The following KCNQ5 variants were observed in gnomAD, a reference collection of about 807,000 sequenced individuals.
The protein encoded by KCNQ5 is potassium voltage-gated channel subfamily Q member 5, also known as potassium voltage-gated channel subfamily KQT member 5.
A neutral mutation model predicts 98.2 loss-of-function variants in KCNQ5; 30 were observed. That is an observed-to-expected ratio of 0.31 (90% CI 0.23 to 0.41). The LOEUF (loss-of-function observed/expected upper bound fraction) is 0.41. Ranked by LOEUF, KCNQ5 falls within the 10% of genes least tolerant of loss-of-function variation. The pLI, the probability that KCNQ5 is intolerant of heterozygous loss-of-function variation, is 1.00. For missense variants in KCNQ5, 835 were observed against 1,182.5 expected (o/e 0.71, Z 4.31); for synonymous variants, 458 against 449.4 (o/e 1.02, Z -0.24).
intron 1 of KCNQ5, among the ~76,000 whole-genome samples, chr6:72,844,102 C>T (rs1310652529): frequency 1.3e-5 from 2 of 152,104 alleles, no homozygotes; most frequent in African/African-American, 4.8e-5. Context: ...ACACGTATAC[C>T]TATGTAACAA....
In KCNQ5 at chr6:72,622,615, C is replaced by G. The variant is rs985078705; in HGVS notation, c.398+28C>G. 2.5e-6 allele frequency: 4 copies of G among 1,609,758 alleles called. No individual in the cohort carries two copies. The highest frequency in any genetic ancestry group is 2.2e-5 in the South Asian group (2 of 90,604). ...GAGTACCCGCGCCCCCTGCTATGCCCGCTGCAGGGGACCACTGTCCCTGGC... is the reference window on the plus strand; with the variant it reads ...GAGTACCCGCGCCCCCTGCTATGCCGGCTGCAGGGGACCACTGTCCCTGGC... On this transcript the variant is annotated intron_variant, in intron 1 of 13. Transcript: ENST00000370398. This position sits in a 1 kb window ranked among gnomAD's most constrained non-coding sequence, Gnocchi z 6.0.
At position 72,945,664 on chromosome 6, in the gene KCNQ5, A is replaced by T. The variant is rs114713059; in HGVS notation, c.399-58244A>T. 8.6e-3 allele frequency among the ~76,000 whole-genome samples: 1,304 copies of T among 152,124 alleles called. 17 individuals carry two copies. Among genetic ancestry groups the T allele is most frequent in the African/African-American group, 0.03 (1,245 of 41,496 alleles). On this transcript the variant is annotated intron_variant, in intron 1 of 13. Coordinates refer to ENST00000370398, the MANE Select transcript of KCNQ5 (RefSeq NM_019842.4). ...AGAGACAGGTTTTTGCCATGTTGAC[A>T]GGCTGGTCTCGAACTTCTGGCCTCA...
At chr6:73,079,309 C>G (rs1209437034) in intron 5 of KCNQ5, among the ~76,000 whole-genome samples, 1 of 152,298 alleles carries the variant, frequency 6.6e-6, no homozygotes, top group Non-Finnish European at 1.5e-5. Flanking sequence ...TTTTAAACCA[C>G]CCTTAGTATT....
At position 73,169,836 on chromosome 6, in the gene KCNQ5, C is replaced by T; in HGVS notation, c.1559C>T (p.Thr520Ile). 1 of 1,610,502 alleles carries T rather than the reference C, an allele frequency of 6.2e-7. No homozygotes were observed. The highest frequency in any genetic ancestry group is 8.5e-7 in the Non-Finnish European group (1 of 1,176,644). Reference protein sequence around the residue: ...SVEDLTPPLKTVIRAIRIMKF... With the variant: ...SVEDLTPPLKIVIRAIRIMKF... Reference sequence around the variant, plus strand: ...GAAGACCTCACCCCACCACTTAAAACTGTCATTCGAGCTATCAGGTTGGTG... The same window carrying T: ...GAAGACCTCACCCCACCACTTAAAATTGTCATTCGAGCTATCAGGTTGGTG... Residue 520 changes from threonine to isoleucine, a missense_variant, in exon 11 of 14, where the codon ACT (threonine) becomes ATT (isoleucine). By Grantham distance (89) the Thr-to-Ile change is moderately conservative. This residue lies in a region of KCNQ5 where 146 missense variants were observed against 256.7 expected (regional missense o/e 0.57). Coordinates refer to ENST00000370398, the MANE Select transcript of KCNQ5 (RefSeq NM_019842.4).
At chr6:72,988,649 C>CTTTTTTT (rs71540364) in intron 1 of KCNQ5, among the ~76,000 whole-genome samples, 82 of 127,604 alleles carry the variant, frequency 6.4e-4, no homozygotes, top group East Asian at 1.4e-3. Context: ...GCATGATTTT[C>CTTTTTTT]TTTTTTTTTT....
chr6:72,909,130 G>A (rs1779818369), intron 1 of KCNQ5, among the ~76,000 whole-genome samples: 1 of 152,218 alleles, frequency 6.6e-6, no homozygotes, highest in Non-Finnish European at 1.5e-5. Context: ...AAACAACGGG[G>A]AAGTTTTCAA....
intron 11 of KCNQ5, among the ~76,000 whole-genome samples, chr6:73,186,240 A>G (rs1425475932): frequency 6.7e-6 from 1 of 150,276 alleles, no homozygotes; most frequent in African/African-American, 2.4e-5. Flanking sequence ...AAAAAAAAAG[A>G]GAAAAAGAAA....
chr6:72,709,728 A>G (rs1204841238), intron 1 of KCNQ5, among the ~76,000 whole-genome samples: 1 of 152,220 alleles, frequency 6.6e-6, no homozygotes. Context: ...CATAACAGAC[A>G]TTCTTCCTGT....
intron 2 of KCNQ5, among the ~76,000 whole-genome samples, chr6:73,018,487 C>G (rs925899129): frequency 1.6e-4 from 25 of 151,936 alleles, no homozygotes; most frequent in African/African-American, 6.1e-4. Context: ...CCTTAAGTCA[C>G]TTCTGCAGTT....
intron 1 of KCNQ5, among the ~76,000 whole-genome samples, chr6:72,688,005 A>C (rs1768042581): frequency 6.6e-6 from 1 of 151,818 alleles, no homozygotes; most frequent in Non-Finnish European, 1.5e-5. Context: ...TGCCCAGCTA[A>C]TTTTTGTATT....
intron 1 of KCNQ5, among the ~76,000 whole-genome samples, chr6:72,860,871 G>A (rs1462406980): frequency 6.6e-6 from 1 of 151,522 alleles, no homozygotes; most frequent in African/African-American, 2.4e-5. Context: ...GTGTGTGTGT[G>A]TGTATGTTTT....
At chr6:72,747,360 T>C (rs550095354) in intron 1 of KCNQ5, among the ~76,000 whole-genome samples, 17 of 152,342 alleles carry the variant, frequency 1.1e-4, no homozygotes, top group African/African-American at 3.8e-4. Flanking sequence ...TATACTCATT[T>C]TTCCTTGGAA....
chr6:73,079,310 C>G (rs17808079), intron 5 of KCNQ5, among the ~76,000 whole-genome samples: 6,904 of 152,146 alleles, frequency 0.045, 177 homozygotes, highest in East Asian at 0.082. Context: ...TTTAAACCAC[C>G]CTTAGTATTT....
At chr6:72,984,583 T>C (rs1422805456) in intron 1 of KCNQ5, among the ~76,000 whole-genome samples, 2 of 152,150 alleles carry the variant, frequency 1.3e-5, no homozygotes, top group South Asian at 2.1e-4. Flanking sequence ...AGTATTGGGG[T>C]GGCAGTGTCC....
chr6:72,722,124 G>A (rs920123657), intron 1 of KCNQ5, among the ~76,000 whole-genome samples: 5 of 152,064 alleles, frequency 3.3e-5, no homozygotes, highest in African/African-American at 7.2e-5. Context: ...AAAAAGGAAG[G>A]GAAACTGATT....
chr6:73,010,839 T>G (rs1770034044), intron 2 of KCNQ5, among the ~76,000 whole-genome samples: 1 of 151,950 alleles, frequency 6.6e-6, no homozygotes, highest in African/African-American at 2.4e-5. Context: ...ACTTGTACAA[T>G]GAAAACTACA....
chr6:72,875,887 T>G (rs1778387214), intron 1 of KCNQ5, among the ~76,000 whole-genome samples: 1 of 152,106 alleles, frequency 6.6e-6, no homozygotes, highest in Non-Finnish European at 1.5e-5. Flanking sequence ...TTTCATGTGC[T>G]ATCTTCCCTT....
intron 2 of KCNQ5, 81 bp downstream of exon 2, chr6:73,004,079 C>A: frequency 5.5e-6 from 4 of 727,056 alleles, no homozygotes; most frequent in Non-Finnish European, 7.0e-6. Flanking sequence ...TCTTATCCTA[C>A]AAAAAAATCC....
At chr6:72,825,091 A>G (rs1419497823) in intron 1 of KCNQ5, among the ~76,000 whole-genome samples, 3 of 152,074 alleles carry the variant, frequency 2.0e-5, no homozygotes, top group African/African-American at 7.2e-5. Context: ...TGAAACTGCC[A>G]GATGACTTTT....
Sources: allele counts gnomAD v4.1 joint callset (sites outside exome capture counted in the v4.1 genomes callset), GRCh38; gene constraint gnomAD v4.1.1; regional missense constraint gnomAD v4.1.1; non-coding constraint Gnocchi (gnomAD v3.1); transcripts MANE v1.5; gene names NCBI Gene and HGNC (gene_info 2026-07-23, HGNC 2026-07-21).